The following MTOR variants were observed in gnomAD, a reference collection of about 807,000 sequenced individuals.
The protein encoded by MTOR is mechanistic target of rapamycin kinase.
A neutral mutation model predicts 319.8 loss-of-function variants in MTOR; 70 were observed. The ratio of observed to expected loss-of-function variants is 0.22; its 90% CI spans 0.18 to 0.27. MTOR has a LOEUF of 0.27. Among genes scored for constraint, MTOR ranks in the 10% least tolerant of loss-of-function variants. MTOR has a pLI of 1.00. For synonymous variants in MTOR, 1,183 were observed against 1,211.4 expected (o/e 0.98, Z 0.49); for missense variants, 1,890 against 3,274.4 (o/e 0.58, Z 10.32).
At chr1:11,152,958 C>G (rs913363502) in intron 30 of MTOR, among the ~76,000 whole-genome samples, 1 of 152,080 alleles carries the variant, frequency 6.6e-6, no homozygotes, top group Non-Finnish European at 1.5e-5. Flanking sequence ...AACTATAAAA[C>G]GGGAAAGAAC....
chr1:11,219,787 G>C (rs1311767689), intron 19 of MTOR, among the ~76,000 whole-genome samples: 1 of 151,996 alleles, frequency 6.6e-6, no homozygotes, highest in Non-Finnish European at 1.5e-5. Context: ...ACTTTGGAAG[G>C]CTGAGGCGGG....
intron 16 of MTOR, among the ~76,000 whole-genome samples, chr1:11,231,991 T>G (rs1204324433): frequency 6.6e-6 from 1 of 152,192 alleles, no homozygotes; most frequent in African/African-American, 2.4e-5. Context: ...GTGCTAGGAT[T>G]ACAAGTGTGA....
chr1:11,193,180 G>C (rs1229572025), intron 28 of MTOR, among the ~76,000 whole-genome samples: 3 of 151,862 alleles, frequency 2.0e-5, no homozygotes, highest in Non-Finnish European at 4.4e-5. Flanking sequence ...AGCCCAGTGT[G>C]GTGACAGGCA....
In MTOR at chr1:11,128,108, T is replaced by C. The variant is rs1277403206; in HGVS notation, c.5929A>G (p.Thr1977Ala). Residue 1977 changes from threonine to alanine, a missense_variant, in exon 43 of 58, where the codon ACA becomes GCA. Physicochemically the swap from Thr to Ala is moderately conservative, Grantham distance 58. Around this residue, in one of 15 missense-constraint regions of MTOR, gnomAD observed 249 missense variants for 596.2 expected, o/e 0.42. Coordinates refer to ENST00000361445, the MANE Select transcript of MTOR (RefSeq NM_004958.4). This position sits in a 1 kb window ranked among gnomAD's most constrained non-coding sequence, Gnocchi z 5.3. ...GTCGTGGTAGACTTAGAAGCCACTG[T>C]CAGTGGGTAGATGAGGGCCTGAGGG... ...YHPQALIYPL[T>A]VASKSTTTAR... 1 of 1,614,050 alleles carries C rather than the reference T, an allele frequency of 6.2e-7. No individual in the cohort carries two copies. Among genetic ancestry groups the C allele is most frequent in the Non-Finnish European group, 8.5e-7 (1 of 1,180,032 alleles).
intron 28 of MTOR, among the ~76,000 whole-genome samples, chr1:11,168,233 C>T (rs1240269102): frequency 2.7e-5 from 4 of 149,484 alleles, no homozygotes; most frequent in East Asian, 2.0e-4. Context: ...TTTTTGAGAC[C>T]GGGTCTTGCT....
chr1:11,209,544 G>C (rs1557845945), intron 24 of MTOR, 86 bp from the exon 25 acceptor site: 1 of 1,496,216 alleles, frequency 6.7e-7, no homozygotes, highest in Admixed American at 1.9e-5. Flanking sequence ...GGGAGGTGCA[G>C]ACCTGGTAGA....
chr1:11,144,012 G>A (rs995268643), intron 34 of MTOR: 2 of 152,148 alleles, frequency 1.3e-5, no homozygotes, highest in Non-Finnish European at 2.9e-5. Flanking sequence ...ACTGATGGAG[G>A]ACTTGGGAAA....
At chr1:11,110,127 T>C (rs1641782477) in intron 54 of MTOR, among the ~76,000 whole-genome samples, 2 of 152,212 alleles carry the variant, frequency 1.3e-5, no homozygotes, top group Admixed American at 1.3e-4. Flanking sequence ...AATAAACTCA[T>C]AGGAATAAGA....
chr1:11,126,653 G>T lies in MTOR; in HGVS notation c.6495C>A (p.Ser2165=), dbSNP rs187389317. The change falls in exon 46 of 58, where the codon TCC becomes TCA. Residue 2165 remains serine, a synonymous_variant. Transcript: ENST00000361445. ...GTGTCAATTTCCGGGGCCTCTGCTT[G>T]GATGTGATGACTTGCAAAGACGGTG... ...SIAPSLQVIT[S]KQRPRKLTLM... 2 of 1,613,958 alleles carry T rather than the reference G, an allele frequency of 1.2e-6. No homozygotes were observed. The highest frequency in any genetic ancestry group is 1.1e-5 in the South Asian group (1 of 91,076).
At position 11,127,696 on chromosome 1, in the gene MTOR, A is replaced by G. The variant is rs1438597110; in HGVS notation, c.6144T>C (p.Phe2048=). The change falls in exon 44 of 58, where the codon TTT becomes TTC. Residue 2048 remains phenylalanine (F), a synonymous_variant. Transcript: ENST00000361445. This position sits in a 1 kb window ranked among gnomAD's most constrained non-coding sequence, Gnocchi z 5.5. ...TAGCATGCAAGGGCTCCAGCACCTC[A>G]AACATGCCTTTCACGTTCCTTTCCC... ...YFGERNVKGM[F]EVLEPLHAMM... The G allele has an allele frequency of 6.2e-7, 1 of 1,613,998 alleles. No individual in the cohort carries two copies. The highest frequency in any genetic ancestry group is 1.3e-5 in the African/African-American group (1 of 74,914).
chr1:11,260,873 T>C (rs1218275256), intron 1 of MTOR, among the ~76,000 whole-genome samples: 1 of 149,336 alleles, frequency 6.7e-6, no homozygotes, highest in African/African-American at 2.5e-5. Context: ...CACTGCAACA[T>C]CCACCTCCCG....
intron 16 of MTOR, 88 bp downstream of exon 16, chr1:11,232,348 G>A (rs1266153845): frequency 3.2e-5 from 29 of 902,862 alleles, no homozygotes; most frequent in Admixed American, 2.8e-4. Flanking sequence ...TCTAGGCACT[G>A]GGTGAGGACA....
In MTOR at chr1:11,129,711, G is replaced by C. The variant is rs2100422974; in HGVS notation, c.5714+27C>G. ...GTCTTGCCATTAACATGGCCTACCAGAGTTGCATCCTTCCCTTCTCTGATA... is the reference window on the plus strand; with the variant it reads ...GTCTTGCCATTAACATGGCCTACCACAGTTGCATCCTTCCCTTCTCTGATA... On this transcript the variant is annotated intron_variant, in intron 40 of 57. Transcript: ENST00000361445. The surrounding 1 kb of genome is among the most constrained non-coding windows in gnomAD (Gnocchi z 4.7). The C allele has an allele frequency of 6.3e-7, 1 of 1,594,462 alleles. No homozygotes were observed. The highest frequency in any genetic ancestry group is 1.3e-5 in the African/African-American group (1 of 74,668).
intron 5 of MTOR, 73 bp downstream of exon 5, chr1:11,255,919 G>T: frequency 1.4e-6 from 2 of 1,406,250 alleles, no homozygotes; most frequent in Non-Finnish European, 2.0e-6. Context: ...AGGGCTTGTG[G>T]CTGCCCTTTA....
chr1:11,163,657 A>G (rs1448512307), intron 29 of MTOR, among the ~76,000 whole-genome samples: 1 of 152,216 alleles, frequency 6.6e-6, no homozygotes, highest in Non-Finnish European at 1.5e-5. Flanking sequence ...CTACATGGAA[A>G]CTGAACAACC....
chr1:11,254,074 G>A (rs1464406123), intron 5 of MTOR, 101 bp from the exon 6 acceptor site: 46 of 1,374,254 alleles, frequency 3.3e-5, no homozygotes, highest in Non-Finnish European at 4.3e-5. Flanking sequence ...GTGCTACCAC[G>A]CCTGCTCAGT....
In MTOR at chr1:11,126,041, C is replaced by CAAAA. The variant is rs757246303; in HGVS notation, c.6526+577_6526+580dup. Among the ~76,000 whole-genome samples, 13 of 28,322 alleles carry CAAAA rather than the reference C, an allele frequency of 4.6e-4. 1 individual carries two copies. The highest frequency in any genetic ancestry group is 7.0e-4 in the Non-Finnish European group (9 of 12,894). 18.6% of individuals were successfully genotyped at this position (28,322 alleles called of 152,430 possible). A position where few individuals can be genotyped will look rare whatever the true frequency, so the allele number is the denominator to read the frequency against. On this transcript the variant is annotated intron_variant, in intron 46 of 57. Coordinates refer to ENST00000361445, the MANE Select transcript of MTOR (RefSeq NM_004958.4). ...GGGCAACAAGAGCAAAACTCTGGCT[C>CAAAA]AAAAAAAAAAAAAAAAAAAAAAAAA...
chr1:11,108,290 G>C lies in MTOR; in HGVS notation c.7529-4C>G. Reference sequence around the variant, plus strand: ...TCATCATGAGAGAAGTCCCGACCTAGCACAGGAGGAACAAAAACATTTCAC... The same window carrying C: ...TCATCATGAGAGAAGTCCCGACCTACCACAGGAGGAACAAAAACATTTCAC... On this transcript the variant is annotated splice_region_variant and splice_polypyrimidine_tract_variant and intron_variant, in intron 56 of 57. Transcript: ENST00000361445. 6.2e-7 allele frequency: 1 copy of C among 1,611,240 alleles called. No homozygotes were observed. Among genetic ancestry groups the C allele is most frequent in the Non-Finnish European group, 8.5e-7 (1 of 1,177,450 alleles).
chr1:11,171,329 C>T (rs1454500753), intron 28 of MTOR, among the ~76,000 whole-genome samples: 3 of 151,878 alleles, frequency 2.0e-5, no homozygotes, highest in Non-Finnish European at 4.4e-5. Context: ...GTTATCCAGG[C>T]TGAAGTTCAG....
Sources: allele counts gnomAD v4.1 joint callset (sites outside exome capture counted in the v4.1 genomes callset), GRCh38; gene constraint gnomAD v4.1.1; regional missense constraint gnomAD v4.1.1; non-coding constraint Gnocchi (gnomAD v3.1); transcripts MANE v1.5; gene names NCBI Gene and HGNC (gene_info 2026-07-23, HGNC 2026-07-21).